SH3TC1: variants seen among roughly 807,000 people sequenced by gnomAD.
The protein encoded by SH3TC1 is SH3 domain and tetratricopeptide repeats 1.
SH3TC1 carries 135 observed loss-of-function variants against 117.3 expected under a neutral mutation model. That is an observed-to-expected ratio of 1.15 (90% CI 1.00 to 1.33). SH3TC1 has a LOEUF of 1.33. Ranked by LOEUF, SH3TC1 falls within the 40% of genes most tolerant of loss-of-function variation. The pLI is 0.00. For synonymous variants in SH3TC1, 898 were observed against 816.9 expected (o/e 1.10, Z -1.69); for missense variants, 2,092 against 1,794.3 (o/e 1.17, Z -3.00).
chr4:8,189,442 G>A lies in SH3TC1; in HGVS notation c.-57+7232G>A, dbSNP rs926467893. On this transcript the variant is annotated intron_variant, in intron 1 of 16. Transcript: ENST00000508641. Reference sequence around the variant, plus strand: ...GGCCTCTTTGAGGAGGCAACACACCGCCGTCACAGCCTGGAGGAGAAGGGG... The same window carrying A: ...GGCCTCTTTGAGGAGGCAACACACCACCGTCACAGCCTGGAGGAGAAGGGG... Among the ~76,000 whole-genome samples the A allele has an allele frequency of 2.6e-5, 4 of 152,256 alleles. No individual in the cohort carries two copies. In the East Asian group the frequency reaches 5.8e-4, roughly 22 times the overall value.
chr4:8,211,850 C>T (rs1352401543), intron 3 of SH3TC1, among the ~76,000 whole-genome samples: 1 of 152,118 alleles, frequency 6.6e-6, no homozygotes, highest in Middle Eastern at 3.2e-3. Context: ...ACGTGCCCAC[C>T]CCTGCGGAAG....
intron 1 of SH3TC1, among the ~76,000 whole-genome samples, chr4:8,204,376 C>T (rs936290344): frequency 6.6e-6 from 1 of 152,184 alleles, no homozygotes; most frequent in Non-Finnish European, 1.5e-5. Context: ...CAGGGAAAAT[C>T]TTCTCACCAC....
chr4:8,240,482 G>T (rs1002299492), intron 17 of SH3TC1, among the ~76,000 whole-genome samples: 2 of 152,208 alleles, frequency 1.3e-5, no homozygotes, highest in Non-Finnish European at 2.9e-5. Context: ...GGAGGCTCGG[G>T]GTGAGTGGGG....
intron 13 of SH3TC1, 59 bp from the exon 14 acceptor site, chr4:8,233,304 A>C (rs892189305): frequency 6.5e-7 from 1 of 1,545,282 alleles, no homozygotes; most frequent in Non-Finnish European, 8.7e-7. Context: ...CCACGGGAGG[A>C]GGCAGACTGG....
intron 3 of SH3TC1, among the ~76,000 whole-genome samples, chr4:8,211,844 GC>G (rs1718762903): frequency 6.6e-6 from 1 of 152,076 alleles, no homozygotes; most frequent in Admixed American, 6.5e-5. Flanking sequence ...CAGAGCACGT[GC>G]CCACCCCTGC....
Position 8,241,016 on chromosome 4 carries a change from G to A in SH3TC1, c.*61G>A. 1 of 1,572,560 alleles carries A rather than the reference G, an allele frequency of 6.4e-7. No individual in the cohort carries two copies. Among genetic ancestry groups the A allele is most frequent in the Non-Finnish European group, 8.6e-7 (1 of 1,161,886 alleles). The stretch of plus-strand genomic sequence containing the variant: ...CTGGGGGTCTCCTGCCTCTCCTGGT[G>A]TCGCCGGTGGCTCATTTTCTGGCAA... On this transcript the variant is annotated 3_prime_UTR_variant, in exon 18 of 18. Transcript: ENST00000245105.
rs1166721955 is a variant in SH3TC1, at chr4:8,233,358, A to T, written c.3132-5A>T. ...CCTTGTTCTGACACCTGTGTCTGAT[A>T]CCAGGGCCTACAAATCCGCACTGGA... On this transcript the variant is annotated splice_region_variant and splice_polypyrimidine_tract_variant and intron_variant, in intron 13 of 17. Transcript: ENST00000245105. 14 of 1,603,220 alleles carry T rather than the reference A, an allele frequency of 8.7e-6. No individual in the cohort carries two copies. Among genetic ancestry groups the T allele is most frequent in the Non-Finnish European group, 1.2e-5 (14 of 1,174,402 alleles).
At chr4:8,208,368 TCTTTTTTTTTA>T (rs1256964426) in intron 2 of SH3TC1, among the ~76,000 whole-genome samples, 1 of 48,520 alleles carries the variant, frequency 2.1e-5, no homozygotes, top group Non-Finnish European at 6.6e-5. Context: ...AACATTTCTT[TCTTTTTTTTTA>T]TTTTTTGAGA....
At chr4:8,188,970 G>A (rs1023286840) in intron 1 of SH3TC1, among the ~76,000 whole-genome samples, 1 of 152,246 alleles carries the variant, frequency 6.6e-6, no homozygotes, top group Non-Finnish European at 1.5e-5. Flanking sequence ...CACATGAGGC[G>A]GGAGAGCTCA....
chr4:8,198,777 C>A (rs865955358), upstream of SH3TC1, among the ~76,000 whole-genome samples: 1 of 152,178 alleles, frequency 6.6e-6, no homozygotes, highest in Non-Finnish European at 1.5e-5. Context: ...CGGAGGGCAC[C>A]CGGGCAGAGA....
At position 8,236,282 on chromosome 4, in the gene SH3TC1, G is replaced by T. The variant is rs138103889; in HGVS notation, c.3410G>T (p.Arg1137Leu). The T allele has an allele frequency of 6.4e-7, 1 of 1,550,962 alleles. No homozygotes were observed. Among genetic ancestry groups the T allele is most frequent in the Non-Finnish European group, 8.7e-7 (1 of 1,147,822 alleles). ...REKAVSFYRD[R>L]ALPLAVTTGN... ...CCCCACCTGCCTGTGTGGCAGGACCGGGCCCTGCCCCTGGCAGTGACTACG... is the reference window on the plus strand; with the variant it reads ...CCCCACCTGCCTGTGTGGCAGGACCTGGCCCTGCCCCTGGCAGTGACTACG... Residue 1137 changes from arginine to leucine, a missense_variant, in exon 16 of 18, where the codon CGG becomes CTG. Transcript: ENST00000245105.
At chr4:8,216,728 G>A (rs1484216192) in intron 6 of SH3TC1, among the ~76,000 whole-genome samples, 1 of 152,124 alleles carries the variant, frequency 6.6e-6, no homozygotes, top group African/African-American at 2.4e-5. Flanking sequence ...GGCCCAGGGC[G>A]AGGGTCTGAG....
chr4:8,232,933 G>A (rs754113648), intron 13 of SH3TC1: 101 of 1,193,154 alleles, frequency 8.5e-5, no homozygotes, highest in Non-Finnish European at 9.7e-5. Flanking sequence ...TCTAGGGCCC[G>A]CCCCAGGCCC....
At chr4:8,230,783 C>CTTTTTTTTTTTT (rs59242411) in intron 12 of SH3TC1, among the ~76,000 whole-genome samples, 1 of 134,168 alleles carries the variant, frequency 7.5e-6, no homozygotes, top group Non-Finnish European at 1.6e-5. Flanking sequence ...ATATGCTGTG[C>CTTTTTTTTTTTT]TTTTTTTTTT....
rs1362195929 is a variant in SH3TC1 at position 8,240,895 on chromosome 4, C to A, written c.3951C>A (p.Asn1317Lys). 1.9e-6 allele frequency: 3 copies of A among 1,613,034 alleles called. No individual in the cohort carries two copies. Among genetic ancestry groups the A allele is most frequent in the Non-Finnish European group, 2.5e-6 (3 of 1,180,042 alleles). The change falls in exon 18 of 18, where the codon AAC (asparagine) becomes AAA (lysine). Residue 1317 changes from asparagine (N) to lysine (K), a missense_variant. Physicochemically the swap from Asn to Lys is moderately conservative, Grantham distance 94 (BLOSUM62 0). Coordinates refer to ENST00000245105, the MANE Select transcript of SH3TC1 (RefSeq NM_018986.5). ...FATELNVRRV[N>K]LPPLPLCGWA... ...CAGAGCTCAACGTCCGCAGGGTCAACCTGCCTCCTCTGCCACTCTGCGGGT... is the reference window on the plus strand; with the variant it reads ...CAGAGCTCAACGTCCGCAGGGTCAAACTGCCTCCTCTGCCACTCTGCGGGT...
intron 7 of SH3TC1, among the ~76,000 whole-genome samples, chr4:8,218,059 G>T (rs1298330348): frequency 6.6e-6 from 1 of 152,164 alleles, no homozygotes; most frequent in East Asian, 1.9e-4. Context: ...GGGGTGCGGG[G>T]CTCCCTGGGG....
In SH3TC1 at chr4:8,182,827, T is replaced by G. The variant is rs545676252; in HGVS notation, c.-57+617T>G. On this transcript the variant is annotated intron_variant, in intron 1 of 16. Coordinates refer to the SH3TC1 transcript ENST00000508641. ...TGCCCCTGCCCTCCTGCTACACCAG[T>G]GCCAGGGGTCTCAGAGGGGTTCCAG... Among the ~76,000 whole-genome samples the G allele has an allele frequency of 4.6e-5, 7 of 152,298 alleles. No individual in the cohort carries two copies. The East Asian group carries it at 1.3e-3, about 29-fold the overall frequency.
rs191904041 is a variant in SH3TC1 at position 8,219,589 on chromosome 4, G to A, written c.1112+59G>A. On this transcript the variant is annotated intron_variant, in intron 9 of 17. Transcript: ENST00000245105. Reference sequence around the variant, plus strand: ...CCACCCCCATCTCACCTAAGGGGACGTTGCTGCGTCCACCTGGCTCCCCAG... The same window carrying A: ...CCACCCCCATCTCACCTAAGGGGACATTGCTGCGTCCACCTGGCTCCCCAG... The A allele has an allele frequency of 4.1e-5, 58 of 1,416,962 alleles. 1 individual carries two copies. In the African/African-American group the frequency reaches 5.5e-4, roughly 14 times the overall value. The allele number at this position is 1,416,962 out of a possible 1,614,324, so 87.8% of individuals were successfully genotyped here.
intron 1 of SH3TC1, among the ~76,000 whole-genome samples, chr4:8,182,816 T>C (rs56208304): frequency 0.36 from 55,017 of 152,052 alleles, 10,340 homozygotes; most frequent in African/African-American, 0.43. Flanking sequence ...CCTGCCCTCC[T>C]GCTACACCAG....
Sources: gnomAD v4.1 joint callset for allele counts (sites outside exome capture counted in the v4.1 genomes callset) on GRCh38, gnomAD v4.1.1 for gene constraint, MANE v1.5 for transcripts, NCBI Gene and HGNC (gene_info 2026-07-23, HGNC 2026-07-21) for gene names.